Variants in APBA1 observed in about 807,000 individuals in gnomAD.
The protein encoded by APBA1 is amyloid-beta A4 precursor protein-binding family A member 1.
APBA1 carries 55 observed loss-of-function variants against 86.6 expected under a neutral mutation model. The ratio of observed to expected loss-of-function variants is 0.64; its 90% CI spans 0.51 to 0.80. The LOEUF is 0.80. APBA1 is among the 30% of genes least tolerant of loss of function. The probability of loss-of-function intolerance (pLI) is 0.00; values close to 1 mark genes in which losing one functional copy is unlikely to be tolerated. For missense variants in APBA1, 1,090 were observed against 1,183.0 expected (o/e 0.92, Z 1.15); for synonymous variants, 511 against 493.9 (o/e 1.03, Z -0.46).
Position 69,540,122 on chromosome 9 carries a change from G to GCGGCAACAACAA in APBA1, c.-69-22844_-69-22843insTTGTTGTTGCCG, listed in dbSNP as rs369017582. Among the ~76,000 whole-genome samples the GCGGCAACAACAA allele has an allele frequency of 8.1e-5, 12 of 148,572 alleles. No homozygotes were observed. The South Asian group carries it at 1.3e-3, about 16-fold the overall frequency. On this transcript the variant is annotated intron_variant, in intron 1 of 12. Coordinates refer to ENST00000265381, the MANE Select transcript of APBA1 (RefSeq NM_001163.4). ...GCAACAGGAGCAAAACTCCATCTCGGCAACAACAACAACAACAACAACAAC... is the reference window on the plus strand; with the variant it reads ...GCAACAGGAGCAAAACTCCATCTCGGCGGCAACAACAACAACAACAACAACAACAACAACAAC...
Position 69,517,232 on chromosome 9 carries a change from G to T in APBA1, c.-22C>A. On this transcript the variant is annotated 5_prime_UTR_variant, in exon 2 of 13. Coordinates refer to ENST00000265381, the MANE Select transcript of APBA1 (RefSeq NM_001163.4). ...TCATGGTGGGAGTCGGAACGGCTAG[G>T]AGAGAAGCTGGGCCCGGCTCACTGC... The T allele has an allele frequency of 6.9e-7, 1 of 1,445,456 alleles. No individual in the cohort carries two copies. 89.5% of individuals were successfully genotyped at this position (1,445,456 alleles called of 1,614,324 possible). A position where few individuals can be genotyped will look rare whatever the true frequency, so the allele number is the denominator to read the frequency against.
intron 1 of APBA1, among the ~76,000 whole-genome samples, chr9:69,582,505 T>C (rs1305169869): frequency 1.3e-5 from 2 of 152,220 alleles, no homozygotes; most frequent in African/African-American, 4.8e-5. Flanking sequence ...CTGCTACTCT[T>C]TCCTCTGGCT....
intron 1 of APBA1, among the ~76,000 whole-genome samples, chr9:69,597,678 T>G (rs572886789): frequency 8.8e-4 from 134 of 152,356 alleles, no homozygotes; most frequent in African/African-American, 3.0e-3. Context: ...CCATCTTGAA[T>G]TGATTTTTGT....
In APBA1 at chr9:69,557,279, A is replaced by G. The variant is rs183086560; in HGVS notation, c.-69-40000T>C. On this transcript the variant is annotated intron_variant, in intron 1 of 12. Transcript: ENST00000265381. ...GTCACATAGCTCCTTCAGCCATGAC[A>G]AAGTGTAGGTGCTTATTAAATGGGT... Among the ~76,000 whole-genome samples the G allele has an allele frequency of 3.1e-3, 473 of 152,308 alleles. 3 individuals carry two copies. Among genetic ancestry groups the G allele is most frequent in the African/African-American group, 0.011 (441 of 41,568 alleles).
intron 4 of APBA1, among the ~76,000 whole-genome samples, chr9:69,468,190 A>G (rs937592573): frequency 2.0e-5 from 3 of 152,218 alleles, no homozygotes; most frequent in Admixed American, 1.3e-4. Context: ...ACCATTTACT[A>G]TGGAAAGTGA....
At chr9:69,624,289 T>C (rs1174453726) in intron 1 of APBA1, among the ~76,000 whole-genome samples, 1 of 152,164 alleles carries the variant, frequency 6.6e-6, no homozygotes, top group Non-Finnish European at 1.5e-5. Flanking sequence ...TCCTACACAC[T>C]TACAGAGCAA....
intron 1 of APBA1, among the ~76,000 whole-genome samples, chr9:69,656,785 T>A (rs564245941): frequency 1.3e-5 from 2 of 152,300 alleles, no homozygotes; most frequent in African/African-American, 4.8e-5. Flanking sequence ...TCACATTGGA[T>A]GTATTATGTG....
chr9:69,618,136 AT>A (rs1415238921), intron 1 of APBA1, among the ~76,000 whole-genome samples: 1 of 152,164 alleles, frequency 6.6e-6, no homozygotes, highest in African/African-American at 2.4e-5. Flanking sequence ...CAAGTTGCAT[AT>A]TTATCATTTC....
chr9:69,649,529 C>T (rs971165360), intron 1 of APBA1, among the ~76,000 whole-genome samples: 4 of 152,108 alleles, frequency 2.6e-5, no homozygotes, highest in South Asian at 2.1e-4. Flanking sequence ...TGGCACTTAT[C>T]GGTGGGTGAT....
chr9:69,564,721 TGGCAG>T (rs1315708035), intron 1 of APBA1, among the ~76,000 whole-genome samples: 1 of 152,158 alleles, frequency 6.6e-6, no homozygotes, highest in East Asian at 1.9e-4. Context: ...CCTGCATTGC[TGGCAG>T]GAAAGTAAAA....
At chr9:69,555,614 G>C (rs1445868250) in intron 1 of APBA1, among the ~76,000 whole-genome samples, 3 of 151,706 alleles carry the variant, frequency 2.0e-5, no homozygotes, top group Admixed American at 2.0e-4. Context: ...CAAACATTTT[G>C]GCAAAATATA....
chr9:69,574,184 G>A (rs908392712), intron 1 of APBA1, among the ~76,000 whole-genome samples: 54 of 152,308 alleles, frequency 3.5e-4, no homozygotes, highest in African/African-American at 1.2e-3. Context: ...AAAACATGGT[G>A]CATCCCCCTG....
intron 1 of APBA1, among the ~76,000 whole-genome samples, chr9:69,632,661 AC>A (rs1481335153): frequency 6.6e-6 from 1 of 152,070 alleles, no homozygotes; most frequent in Admixed American, 6.6e-5. Context: ...TAGTTCAACT[AC>A]CCTTGGGGTT....
chr9:69,449,829 T>A, intron 9 of APBA1, 33 bp from the exon 10 acceptor site: 9 of 1,582,756 alleles, frequency 5.7e-6, no homozygotes, highest in Non-Finnish European at 7.8e-6. Flanking sequence ...AAAACCTCCA[T>A]CAGTGACCAT....
At chr9:69,451,110 G>A (rs573937518) in intron 9 of APBA1, among the ~76,000 whole-genome samples, 35 of 152,272 alleles carry the variant, frequency 2.3e-4, no homozygotes, top group Admixed American at 3.9e-4. Context: ...GCCAATAACC[G>A]GCATGGGGTA....
chr9:69,432,562 G>A lies in APBA1; in HGVS notation c.2416C>T (p.His806Tyr), dbSNP rs753857023. The change falls in exon 12 of 13, where the codon CAC becomes TAC. Residue 806 changes from histidine (H) to tyrosine (Y), a missense_variant. By Grantham distance (83) the His-to-Tyr change is moderately conservative. Coordinates refer to ENST00000265381, the MANE Select transcript of APBA1 (RefSeq NM_001163.4). ...TCCCCAACAGCATTGGAGAGAATGT[G>A]GACGATCTTCTCGTGGGGGGTGGCC... Reference protein sequence around the residue: ...VVATPHEKIVHILSNAVGEIH... With the variant: ...VVATPHEKIVYILSNAVGEIH... The A allele has an allele frequency of 5.8e-5, 92 of 1,590,410 alleles. No individual in the cohort carries two copies. Among genetic ancestry groups the A allele is most frequent in the Non-Finnish European group, 7.8e-5 (91 of 1,169,264 alleles).
chr9:69,473,483 T>G (rs1336523328), intron 3 of APBA1, among the ~76,000 whole-genome samples: 1 of 152,188 alleles, frequency 6.6e-6, no homozygotes, highest in Non-Finnish European at 1.5e-5. Flanking sequence ...ATCTAAGAAG[T>G]CAATTCACAT....
At chr9:69,611,055 G>C (rs1375378049) in intron 1 of APBA1, among the ~76,000 whole-genome samples, 1 of 150,674 alleles carries the variant, frequency 6.6e-6, no homozygotes, top group African/African-American at 2.4e-5. Context: ...GTTTTTTGTT[G>C]TTGTTGTTTT....
intron 1 of APBA1, among the ~76,000 whole-genome samples, chr9:69,623,409 C>A (rs560648759): frequency 6.6e-6 from 1 of 151,266 alleles, no homozygotes. Flanking sequence ...AACTTATGGA[C>A]GAGTGGTACT....
Sources: gnomAD v4.1 joint callset for allele counts (sites outside exome capture counted in the v4.1 genomes callset) on GRCh38, gnomAD v4.1.1 for gene constraint, MANE v1.5 for transcripts, NCBI Gene and HGNC (gene_info 2026-07-23, HGNC 2026-07-21) for gene names.